NWD1: variants seen among roughly 807,000 people sequenced by gnomAD.
NWD1 encodes the protein NACHT domain- and WD repeat-containing protein 1.
NWD1 carries 129 observed loss-of-function variants against 135.1 expected under a neutral mutation model. The observed-to-expected ratio is 0.96, with a 90% CI of 0.83 to 1.11. The LOEUF is 1.11. Ranked by LOEUF, NWD1 falls within the 50% of genes least tolerant of loss-of-function variation. NWD1 has a pLI of 0.00. For missense variants in NWD1, 1,740 were observed against 1,851.3 expected (o/e 0.94, Z 1.10); for synonymous variants, 773 against 786.0 (o/e 0.98, Z 0.28).
In NWD1 at chr19:16,744,552, G is replaced by A; in HGVS notation, c.330G>A (p.Arg110=). 3 of 1,535,762 alleles carry A rather than the reference G, an allele frequency of 2.0e-6. No individual in the cohort carries two copies. The highest frequency in any genetic ancestry group is 1.7e-6 in the Non-Finnish European group (2 of 1,146,714). ...AGCTGGTGGCACGATACTTCCAGAG[G>A]GACGAGAATGCGTTTCCTCCCACCT... The part of the protein sequence containing the change: ...DLELVARYFQ[R]DENAFPPTYV... The change falls in exon 5 of 19, where the codon AGG becomes AGA. Residue 110 remains arginine (R), a synonymous_variant. Transcript: ENST00000524140.
chr19:16,763,754 G>A (rs1012748605), intron 8 of NWD1, 74 bp from the exon 9 acceptor site: 1 of 929,596 alleles, frequency 1.1e-6, no homozygotes, highest in African/African-American at 1.6e-5. Context: ...AGCATGAGGT[G>A]AATGAATGGG....
chr19:16,782,293 A>C (rs1481400459), intron 12 of NWD1, among the ~76,000 whole-genome samples: 2 of 150,878 alleles, frequency 1.3e-5, no homozygotes, highest in African/African-American at 4.9e-5. Context: ...CTAAAAAAAA[A>C]AAAAAAAAAA....
rs752332980 is a variant in NWD1 at position 16,749,148 on chromosome 19, G to A, written c.506G>A (p.Trp169Ter). 1.7e-5 allele frequency: 27 copies of A among 1,598,116 alleles called. No homozygotes were observed. The East Asian group carries it at 6.1e-4, about 36-fold the overall frequency. ...WQHYHRSVIE[W>*]EIERSLLSSE... is the part of the protein sequence containing the mutation. ...TTCCCCACTTTGGCAGTCATTGAGT[G>A]GGAGATAGAGCGGAGCCTGCTGAGC... Residue 169 changes from tryptophan to a stop codon, truncating the protein, a stop_gained, in exon 6 of 19, where the codon TGG (tryptophan) becomes TAG (stop). Coordinates refer to ENST00000524140, the MANE Select transcript of NWD1 (RefSeq NM_001007525.5). LOFTEE classifies it high-confidence loss of function.
chr19:16,733,687 A>G (rs1299184303), intron 3 of NWD1, among the ~76,000 whole-genome samples: 1 of 152,172 alleles, frequency 6.6e-6, no homozygotes, highest in Non-Finnish European at 1.5e-5. Context: ...CAAAGGCACT[A>G]TGGAAGCATC....
rs930594002 is a variant in NWD1, at chr19:16,788,648, C to G, written c.2732-334C>G. 3.0e-4 allele frequency among the ~76,000 whole-genome samples: 45 copies of G among 151,104 alleles called. 2 individuals are homozygous for G. Among genetic ancestry groups the G allele is most frequent in the Non-Finnish European group, 1.5e-5 (1 of 67,888 alleles). Reference sequence around the variant, plus strand: ...ACAAAAATCAATAATGAGGGTGTGGCTGGACAGGAAGTTGCTGGGCAGATT... The same window carrying G: ...ACAAAAATCAATAATGAGGGTGTGGGTGGACAGGAAGTTGCTGGGCAGATT... On this transcript the variant is annotated intron_variant, in intron 12 of 18. Coordinates refer to ENST00000524140, the MANE Select transcript of NWD1 (RefSeq NM_001007525.5).
chr19:16,734,148 C>T (rs1429766451), intron 3 of NWD1, among the ~76,000 whole-genome samples: 1 of 152,174 alleles, frequency 6.6e-6, no homozygotes, highest in Admixed American at 6.6e-5. Flanking sequence ...ACGTCCAGTG[C>T]TGGCCAAACT....
chr19:16,778,629 C>T (rs1443096552), intron 11 of NWD1, among the ~76,000 whole-genome samples: 1 of 152,008 alleles, frequency 6.6e-6, no homozygotes, highest in Non-Finnish European at 1.5e-5. Context: ...TGGCCTCAGC[C>T]TCCCGAGTAG....
intron 11 of NWD1, among the ~76,000 whole-genome samples, chr19:16,775,325 T>G (rs1445077612): frequency 4.0e-5 from 6 of 151,834 alleles, no homozygotes; most frequent in African/African-American, 7.3e-5. Flanking sequence ...AAAATATCAG[T>G]GGCTTAAATA....
chr19:16,738,719 ATATATATAATC>A (rs1374923725), intron 4 of NWD1, among the ~76,000 whole-genome samples: 3 of 144,094 alleles, frequency 2.1e-5, no homozygotes, highest in African/African-American at 5.2e-5. Flanking sequence ...GGCAAAACAT[ATATATATAATC>A]TATATATAAT....
Position 16,763,977 on chromosome 19 carries a change from G to A in NWD1, c.2251+32G>A, listed in dbSNP as rs12982532. On this transcript the variant is annotated intron_variant, in intron 9 of 18. Transcript: ENST00000524140. ...GCTGCCCCCCATCTCAGAGGACCGA[G>A]CCTGGTGACTGCACCACGCTCCAGT... The A allele has an allele frequency of 7.2e-3, 9,472 of 1,310,600 alleles. 56 individuals carry two copies. The highest frequency in any genetic ancestry group is 7.2e-3 in the Non-Finnish European group (6,471 of 903,336). The allele number at this position is 1,310,600 out of a possible 1,614,324, so 81.2% of individuals were successfully genotyped here.
chr19:16,746,627 C>G (rs113802325), intron 5 of NWD1, among the ~76,000 whole-genome samples: 1 of 151,564 alleles, frequency 6.6e-6, no homozygotes, highest in South Asian at 2.1e-4. Flanking sequence ...GAGCTGAGAT[C>G]GCACCACTGC....
intron 18 of NWD1, among the ~76,000 whole-genome samples, chr19:16,808,559 G>T (rs1211573507): frequency 1.3e-5 from 2 of 151,524 alleles, no homozygotes; most frequent in African/African-American, 4.9e-5. Context: ...AAAAAGAAAA[G>T]AAAAGAAAAG....
At chr19:16,792,308 A>G (rs557367622) in intron 14 of NWD1, among the ~76,000 whole-genome samples, 2 of 151,730 alleles carry the variant, frequency 1.3e-5, no homozygotes, top group South Asian at 2.1e-4. Context: ...TGGGAGGCTG[A>G]GGGGGGGTGG....
intron 6 of NWD1, 143 bp from the exon 7 acceptor site, chr19:16,759,082 T>G: frequency 1.5e-6 from 1 of 681,282 alleles, no homozygotes. Flanking sequence ...CTTGGTACCT[T>G]GTGGGCGCTG....
chr19:16,758,562 C>A (rs903058204), intron 6 of NWD1, among the ~76,000 whole-genome samples: 4 of 152,158 alleles, frequency 2.6e-5, no homozygotes, highest in Non-Finnish European at 5.9e-5. Context: ...CAGGTGTGAG[C>A]CACCACGCCC....
chr19:16,735,845 G>GGAA (rs1967782599), intron 3 of NWD1, among the ~76,000 whole-genome samples: 1 of 51,122 alleles, frequency 2.0e-5, no homozygotes, highest in African/African-American at 1.2e-4. Context: ...AAGGAAGGAA[G>GGAA]GAAGGAAGGA....
At chr19:16,736,385 A>G (rs1967821212) in intron 3 of NWD1, among the ~76,000 whole-genome samples, 1 of 151,976 alleles carries the variant, frequency 6.6e-6, no homozygotes, top group African/African-American at 2.4e-5. Flanking sequence ...GCCCACCACC[A>G]TGCTTGGCTT....
rs746011876 is a variant in NWD1, at chr19:16,759,385, C to T, written c.1930C>T (p.Arg644Trp). The change falls in exon 7 of 19, where the codon CGG becomes TGG. Residue 644 changes from arginine to tryptophan, a missense_variant. By Grantham distance (101) the Arg-to-Trp change is moderately radical. Coordinates refer to ENST00000524140, the MANE Select transcript of NWD1 (RefSeq NM_001007525.5). ...LRRDLGYYLA[R>W]RPVDGFTLLA... is the part of the protein sequence containing the mutation. ...TCGGGATCTGGGATACTACTTGGCC[C>T]GGCGGCCCGTGGATGGCTTCACCCT... 1.9e-6 allele frequency: 3 copies of T among 1,598,818 alleles called. No homozygotes were observed. In the East Asian group the frequency reaches 6.8e-5, roughly 36 times the overall value.
rs560606741 is a variant in NWD1 at position 16,742,796 on chromosome 19, G to A, written c.199-1625G>A. ...AGCGATTCTCTTGCCTCAGGCTCCC[G>A]AGCAGCTGGGACTACAGGCATGTGC... On this transcript the variant is annotated intron_variant, in intron 4 of 18. Transcript: ENST00000524140. Among the ~76,000 whole-genome samples the A allele has an allele frequency of 7.1e-4, 107 of 150,104 alleles. 1 individual carries two copies. Among genetic ancestry groups the A allele is most frequent in the Non-Finnish European group, 1.2e-3 (79 of 67,570 alleles).
Sources: gnomAD v4.1 joint callset for allele counts (sites outside exome capture counted in the v4.1 genomes callset) on GRCh38, gnomAD v4.1.1 for gene constraint, MANE v1.5 for transcripts, NCBI Gene and HGNC (gene_info 2026-07-23, HGNC 2026-07-21) for gene names.